GNG2: variants seen among roughly 807,000 people sequenced by gnomAD.
GNG2 encodes the protein guanine nucleotide-binding protein G(I)/G(S)/G(O) subunit gamma-2.
Under a neutral mutation model 5.5 loss-of-function variants are expected in GNG2, and 5 were observed. That is an observed-to-expected ratio of 0.91 (90% CI 0.48 to 1.92). The LOEUF is 1.92. GNG2 is among the 30% of genes most tolerant of loss of function. The probability of loss-of-function intolerance (pLI) is 0.01; values close to 1 mark genes in which losing one functional copy is unlikely to be tolerated. For missense variants in GNG2, 55 were observed against 88.4 expected, an observed-to-expected ratio of 0.62 and a Z score of 1.52; for synonymous variants, 28 against 32.0, an observed-to-expected ratio of 0.88 and a Z score of 0.42.
chr14:51,964,979 T>C (rs777909540), intron 3 of GNG2, among the ~76,000 whole-genome samples: 2 of 152,332 alleles, frequency 1.3e-5, no homozygotes, highest in Non-Finnish European at 2.9e-5. Context: ...ATGCCATTTG[T>C]TAAAACCTCT....
intron 2 of GNG2, among the ~76,000 whole-genome samples, chr14:51,832,582 A>G (rs73287148): frequency 0.013 from 1,945 of 152,320 alleles, 46 homozygotes; most frequent in African/African-American, 0.044. Context: ...ATTCTCTCAC[A>G]GTTCTGAAGG....
intron 2 of GNG2, among the ~76,000 whole-genome samples, chr14:51,945,788 ATG>A (rs35088349): frequency 0.37 from 55,294 of 149,970 alleles, 10,306 homozygotes; most frequent in Middle Eastern, 0.44. Context: ...GTGTATGTGT[ATG>A]TGTGTGTGTG....
At chr14:51,869,776 G>A (rs1275704043) in intron 1 of GNG2, among the ~76,000 whole-genome samples, 1 of 152,178 alleles carries the variant, frequency 6.6e-6, no homozygotes, top group African/African-American at 2.4e-5. Context: ...GCCTCCCAAA[G>A]TGCTGGGATT....
At chr14:51,843,197 A>T (rs2140078719) in intron 2 of GNG2, among the ~76,000 whole-genome samples, 1 of 152,328 alleles carries the variant, frequency 6.6e-6, no homozygotes, top group Non-Finnish European at 1.5e-5. Flanking sequence ...ATGCTTCTAT[A>T]TTAATGCAAA....
intron 2 of GNG2, among the ~76,000 whole-genome samples, chr14:51,884,457 G>T (rs756727399): frequency 6.6e-6 from 1 of 152,200 alleles, no homozygotes; most frequent in Non-Finnish European, 1.5e-5. Context: ...ATTTTACAAA[G>T]GAGGAAGCTG....
chr14:51,932,394 G>A (rs1011643015), intron 2 of GNG2, among the ~76,000 whole-genome samples: 3 of 152,026 alleles, frequency 2.0e-5, no homozygotes, highest in Admixed American at 2.0e-4. Context: ...AAGCCAGTCA[G>A]AAAAAGATAA....
chr14:51,964,716 C>A (rs1889798378), intron 3 of GNG2, among the ~76,000 whole-genome samples: 1 of 152,126 alleles, frequency 6.6e-6, no homozygotes, highest in South Asian at 2.1e-4. Context: ...GTTGAAGTAG[C>A]CTTAAGTAAA....
At chr14:51,939,496 G>A (rs751787782) in intron 2 of GNG2, among the ~76,000 whole-genome samples, 1 of 152,174 alleles carries the variant, frequency 6.6e-6, no homozygotes, top group African/African-American at 2.4e-5. Context: ...TGGCACCTGC[G>A]TGAGACAGGG....
chr14:51,905,881 AG>A (rs1403970133), intron 2 of GNG2, among the ~76,000 whole-genome samples: 1 of 152,234 alleles, frequency 6.6e-6, no homozygotes, highest in African/African-American at 2.4e-5. Flanking sequence ...CATGTGAAGA[AG>A]GATGTGTTTG....
At chr14:51,889,552 G>GATATATTTTTTTTTATAAAATATTT (rs1884709120) in intron 2 of GNG2, among the ~76,000 whole-genome samples, 1 of 152,100 alleles carries the variant, frequency 6.6e-6, no homozygotes, top group Non-Finnish European at 1.5e-5. Context: ...CAGTAAAACT[G>GATATATTTTTTTTTATAAAATATTT]TTATTTTATA....
intron 2 of GNG2, among the ~76,000 whole-genome samples, chr14:51,831,266 A>G (rs1359043008): frequency 1.3e-5 from 2 of 152,174 alleles, no homozygotes; most frequent in African/African-American, 2.4e-5. Context: ...TTTTTTGCCA[A>G]CATCTAATTA....
At chr14:51,951,801 T>C in intron 3 of GNG2, 1 of 682,858 alleles carries the variant, frequency 1.5e-6, no homozygotes, top group South Asian at 1.6e-5. Flanking sequence ...ATGGCTGCTT[T>C]CACTCTAAAA....
chr14:51,891,935 G>A (rs1227538377), intron 2 of GNG2, among the ~76,000 whole-genome samples: 2 of 152,120 alleles, frequency 1.3e-5, no homozygotes, highest in Non-Finnish European at 2.9e-5. Context: ...TTTCTAGGAC[G>A]TATACTTTGG....
At chr14:51,865,913 T>C (rs1056727496) in intron 1 of GNG2, among the ~76,000 whole-genome samples, 1 of 150,664 alleles carries the variant, frequency 6.6e-6, no homozygotes, top group Non-Finnish European at 1.5e-5. Flanking sequence ...TGGGAGTCAG[T>C]GTTCAGACAA....
intron 2 of GNG2, among the ~76,000 whole-genome samples, chr14:51,897,683 C>T (rs1002692954): frequency 2.0e-5 from 3 of 152,050 alleles, no homozygotes; most frequent in South Asian, 4.1e-4. Flanking sequence ...AGTGTAGGGT[C>T]CCTTCTCACC....
At chr14:51,907,513 C>G (rs1389604792) in intron 2 of GNG2, among the ~76,000 whole-genome samples, 1 of 152,208 alleles carries the variant, frequency 6.6e-6, no homozygotes, top group Non-Finnish European at 1.5e-5. Flanking sequence ...GAGTCCATTC[C>G]TCTTTCATCA....
rs563672163 is a variant in GNG2 at position 51,921,839 on chromosome 14, A to G, written c.-29-28811A>G. 1.7e-4 allele frequency among the ~76,000 whole-genome samples: 26 copies of G among 152,384 alleles called. No homozygotes were observed. The South Asian group carries it at 2.9e-3, about 17-fold the overall frequency. On this transcript the variant is annotated intron_variant, in intron 2 of 3. Transcript: ENST00000556766. ...TTATGAAAAAATTCATTAAAAATGT[A>G]TAAGCATTAACTTCAGCTGACTTAG...
intron 3 of GNG2, among the ~76,000 whole-genome samples, chr14:51,956,783 C>A (rs1272027930): frequency 6.6e-6 from 1 of 152,144 alleles, no homozygotes; most frequent in Non-Finnish European, 1.5e-5. Context: ...GGCTTGCAAG[C>A]ATTTTGCAAC....
intron 2 of GNG2, among the ~76,000 whole-genome samples, chr14:51,903,414 C>A (rs1885689064): frequency 6.6e-6 from 1 of 152,156 alleles, no homozygotes; most frequent in African/African-American, 2.4e-5. Flanking sequence ...ATTTATAGAA[C>A]ATAACTACCA....
Sources: allele counts gnomAD v4.1 joint callset (sites outside exome capture counted in the v4.1 genomes callset), GRCh38; gene constraint gnomAD v4.1.1; transcripts MANE v1.5; gene names NCBI Gene and HGNC (gene_info 2026-07-23, HGNC 2026-07-21).